PARD3: variants seen among roughly 807,000 people sequenced by gnomAD.
The protein encoded by PARD3 is partitioning defective 3 homolog.
In PARD3, 75 loss-of-function variants were observed where a neutral mutation model predicts 155.4. The observed-to-expected ratio is 0.48, with a 90% CI of 0.40 to 0.58. The LOEUF is 0.58. Ranked by LOEUF, PARD3 falls within the 20% of genes least tolerant of loss-of-function variation. The probability of loss-of-function intolerance (pLI) is 0.00; values close to 1 mark genes in which losing one functional copy is unlikely to be tolerated. For synonymous variants in PARD3, 576 were observed against 610.5 expected (o/e 0.94, Z 0.83); for missense variants, 1,642 against 1,721.7 (o/e 0.95, Z 0.82).
rs973144600 is a variant in PARD3 at position 34,684,270 on chromosome 10, A to T, written c.222+12048T>A. On this transcript the variant is annotated intron_variant, in intron 2 of 24. Transcript: ENST00000374788. ...CTGTCCTCAGAGATGACCAGTACTGACACTTTTTGGTCTACCCCTCAAACT... is the reference window on the plus strand; with the variant it reads ...CTGTCCTCAGAGATGACCAGTACTGTCACTTTTTGGTCTACCCCTCAAACT... Among the ~76,000 whole-genome samples, 24 of 152,342 alleles carry T rather than the reference A, an allele frequency of 1.6e-4. No individual in the cohort carries two copies. In the East Asian group the frequency reaches 4.4e-3, roughly 28 times the overall value.
chr10:34,745,119 T>C (rs373497216), intron 1 of PARD3, among the ~76,000 whole-genome samples: 2 of 152,176 alleles, frequency 1.3e-5, no homozygotes, highest in African/African-American at 4.8e-5. Flanking sequence ...GTCAGTGCTT[T>C]GGGAGGCCAA....
intron 4 of PARD3, 27 bp downstream of exon 4, chr10:34,470,058 C>T: frequency 6.4e-7 from 1 of 1,554,764 alleles, no homozygotes; most frequent in Non-Finnish European, 8.7e-7. Flanking sequence ...GGGCAAGAGA[C>T]AGCAGCAAAC....
At chr10:34,300,496 A>G (rs917238771) in intron 20 of PARD3, among the ~76,000 whole-genome samples, 1 of 152,124 alleles carries the variant, frequency 6.6e-6, no homozygotes, top group Non-Finnish European at 1.5e-5. Flanking sequence ...CTCTACAAAT[A>G]AATGAATGAA....
At chr10:34,724,099 C>T (rs1261312857) in intron 1 of PARD3, among the ~76,000 whole-genome samples, 1 of 152,166 alleles carries the variant, frequency 6.6e-6, no homozygotes, top group East Asian at 1.9e-4. Flanking sequence ...TCGTATGGAG[C>T]ACAGGGACAG....
chr10:34,213,281 G>A (rs987207882), intron 22 of PARD3, among the ~76,000 whole-genome samples: 1 of 152,104 alleles, frequency 6.6e-6, no homozygotes. Context: ...GAGGAAGCCG[G>A]ACTCCTTTAA....
intron 22 of PARD3, among the ~76,000 whole-genome samples, chr10:34,256,858 A>C (rs1954681399): frequency 6.6e-6 from 1 of 152,222 alleles, no homozygotes. Context: ...TAGTTATTAC[A>C]TAGCCATAGA....
chr10:34,388,133 C>T (rs1842529669), intron 7 of PARD3, among the ~76,000 whole-genome samples: 1 of 152,166 alleles, frequency 6.6e-6, no homozygotes, highest in Admixed American at 6.5e-5. Context: ...GAAAGAACAT[C>T]ACCCTGACTG....
intron 2 of PARD3, among the ~76,000 whole-genome samples, chr10:34,649,504 C>T (rs951357653): frequency 3.3e-5 from 5 of 152,158 alleles, no homozygotes; most frequent in Non-Finnish European, 5.9e-5. Flanking sequence ...CAAACATAGA[C>T]AAGGTACAGT....
intron 7 of PARD3, among the ~76,000 whole-genome samples, 138 bp downstream of exon 7, chr10:34,399,175 TATGACATATATATAGGA>T (rs1843642670): frequency 6.6e-6 from 1 of 152,220 alleles, no homozygotes; most frequent in African/African-American, 2.4e-5. Context: ...TTTCTGTGAT[TATGACATATATATAGGA>T]ATGAAGGAGC....
intron 1 of PARD3, among the ~76,000 whole-genome samples, chr10:34,719,497 CTA>C (rs1258236469): frequency 6.6e-6 from 1 of 152,080 alleles, no homozygotes; most frequent in East Asian, 1.9e-4. Context: ...TATCAAAAGA[CTA>C]AAATAAATAG....
chr10:34,685,087 C>A (rs1361640615), intron 2 of PARD3, among the ~76,000 whole-genome samples: 1 of 152,068 alleles, frequency 6.6e-6, no homozygotes, highest in African/African-American at 2.4e-5. Flanking sequence ...GAGAGGGAGG[C>A]CACTTAGCTT....
intron 3 of PARD3, among the ~76,000 whole-genome samples, chr10:34,514,499 CAT>C (rs1269543290): frequency 7.2e-5 from 11 of 152,172 alleles, no homozygotes; most frequent in East Asian, 1.9e-4. Context: ...ACAGGTGACT[CAT>C]GTGTGATGCA....
intron 20 of PARD3, among the ~76,000 whole-genome samples, chr10:34,308,195 C>G (rs1325423311): frequency 6.6e-6 from 1 of 151,956 alleles, no homozygotes; most frequent in Non-Finnish European, 1.5e-5. Flanking sequence ...TCTGTAGGGC[C>G]CTAAGGATTT....
chr10:34,418,383 A>G (rs1390167739), intron 5 of PARD3, among the ~76,000 whole-genome samples: 1 of 152,128 alleles, frequency 6.6e-6, no homozygotes, highest in African/African-American at 2.4e-5. Flanking sequence ...CATGTTGCCC[A>G]GACTAGTCTT....
intron 2 of PARD3, among the ~76,000 whole-genome samples, chr10:34,554,643 G>A (rs1315603280): frequency 6.6e-6 from 1 of 152,086 alleles, no homozygotes; most frequent in East Asian, 1.9e-4. Context: ...GAAATACAAA[G>A]AAACTTAATA....
chr10:34,189,777 T>C (rs1235409572), intron 22 of PARD3, among the ~76,000 whole-genome samples: 1 of 152,192 alleles, frequency 6.6e-6, no homozygotes, highest in Non-Finnish European at 1.5e-5. Flanking sequence ...AAACCTGTTA[T>C]TCAGACTTAG....
intron 2 of PARD3, among the ~76,000 whole-genome samples, chr10:34,527,870 C>G (rs1481331085): frequency 6.6e-6 from 1 of 152,280 alleles, no homozygotes; most frequent in Middle Eastern, 3.4e-3. Flanking sequence ...TTTTGCTACT[C>G]TCATTATTTC....
intron 22 of PARD3, among the ~76,000 whole-genome samples, chr10:34,234,577 T>C (rs1249979484): frequency 1.3e-5 from 2 of 152,234 alleles, no homozygotes; most frequent in Non-Finnish European, 2.9e-5. Context: ...ATGACTTCTT[T>C]GCATCCTTCA....
At chr10:34,570,111 A>C (rs542488189) in intron 2 of PARD3, among the ~76,000 whole-genome samples, 76 of 152,334 alleles carry the variant, frequency 5.0e-4, no homozygotes, top group African/African-American at 1.8e-3. Context: ...TTAGTTTTGA[A>C]TTATAAAAGT....
Sources: allele counts gnomAD v4.1 joint callset (sites outside exome capture counted in the v4.1 genomes callset), GRCh38; gene constraint gnomAD v4.1.1; transcripts MANE v1.5; gene names NCBI Gene and HGNC (gene_info 2026-07-23, HGNC 2026-07-21).